The following UEVLD variants were observed in gnomAD, a reference collection of about 807,000 sequenced individuals.
UEVLD encodes ubiquitin-conjugating enzyme E2 variant 3.
A neutral mutation model predicts 58.6 loss-of-function variants in UEVLD; 47 were observed. The ratio of observed to expected loss-of-function variants is 0.80; its 90% CI spans 0.63 to 1.02. UEVLD has a LOEUF of 1.02. Among genes scored for constraint, UEVLD ranks in the 50% least tolerant of loss-of-function variants. The pLI is 0.00. For synonymous variants in UEVLD, 197 were observed against 195.3 expected (o/e 1.01, Z -0.07); for missense variants, 510 against 550.6 (o/e 0.93, Z 0.74).
At chr11:18,580,185 A>T (rs554337832) in intron 1 of UEVLD, among the ~76,000 whole-genome samples, 3 of 152,278 alleles carry the variant, frequency 2.0e-5, no homozygotes, top group African/African-American at 7.2e-5. Context: ...GTTATCATCA[A>T]AAGGAGAAAA....
At chr11:18,536,895 C>CTTTTTTTTTTTTTTTTTTTTTTTTTT (rs370747121) in intron 9 of UEVLD, 1 of 139,000 alleles carries the variant, frequency 7.2e-6, no homozygotes, top group Non-Finnish European at 1.4e-5. Context: ...AATCCTGTTC[C>CTTTTTTTTTTTTTTTTTTTTTTTTTT]TTTTTTTTTT....
chr11:18,548,238 GCA>G (rs1851380133), intron 7 of UEVLD, among the ~76,000 whole-genome samples: 1 of 152,108 alleles, frequency 6.6e-6, no homozygotes, highest in Admixed American at 6.5e-5. Context: ...ACTCTCCATT[GCA>G]CAGTGTGTTT....
intron 9 of UEVLD, among the ~76,000 whole-genome samples, chr11:18,542,464 TC>T (rs1277009378): frequency 1.3e-5 from 2 of 152,188 alleles, no homozygotes; most frequent in African/African-American, 4.8e-5. Context: ...ATTTGGAGCC[TC>T]AAAAGTATTT....
chr11:18,573,639 A>C (rs1852746899), intron 3 of UEVLD, among the ~76,000 whole-genome samples: 1 of 152,198 alleles, frequency 6.6e-6, no homozygotes, highest in South Asian at 2.1e-4. Flanking sequence ...CCTATGCATA[A>C]AAACAAAATG....
chr11:18,568,911 T>C (rs926581189), intron 4 of UEVLD, among the ~76,000 whole-genome samples: 1 of 152,160 alleles, frequency 6.6e-6, no homozygotes, highest in African/African-American at 2.4e-5. Context: ...ATTTTTTTTT[T>C]TGAGGCGGAG....
At position 18,533,201 on chromosome 11, in the gene UEVLD, C is replaced by T. The variant is rs553747777; in HGVS notation, c.1249-714G>A. 2.0e-4 allele frequency among the ~76,000 whole-genome samples: 31 copies of T among 151,934 alleles called. No homozygotes were observed. In the South Asian group the frequency reaches 6.0e-3, roughly 29 times the overall value. On this transcript the variant is annotated intron_variant, in intron 11 of 11. Transcript: ENST00000396197. ...GGCCACCACACCCAGCTTCTTCTAG[C>T]TGTTTTGAAATGTACAATAAATTAT...
At chr11:18,546,505 GT>G (rs34286769) in intron 8 of UEVLD, among the ~76,000 whole-genome samples, 51,613 of 142,626 alleles carry the variant, frequency 0.36, 9,331 homozygotes, top group East Asian at 0.65. Context: ...TTTTGTTTTT[GT>G]TTTTTTTTTT....
intron 10 of UEVLD, among the ~76,000 whole-genome samples, chr11:18,535,665 C>A (rs1359309080): frequency 3.3e-5 from 5 of 152,114 alleles, no homozygotes; most frequent in Non-Finnish European, 7.3e-5. Flanking sequence ...GCGGTACAGA[C>A]CCCTGGAAGG....
intron 7 of UEVLD, among the ~76,000 whole-genome samples, chr11:18,549,392 A>G (rs1851432598): frequency 6.6e-6 from 1 of 152,108 alleles, no homozygotes; most frequent in Non-Finnish European, 1.5e-5. Context: ...AGGAGTAAAC[A>G]TAGTAGTGGC....
At chr11:18,544,559 C>T in intron 9 of UEVLD, 64 bp downstream of exon 9, 1 of 1,534,198 alleles carries the variant, frequency 6.5e-7, no homozygotes, top group Non-Finnish European at 8.8e-7. Flanking sequence ...CCTGCCTTGG[C>T]CTCCCAAAGT....
chr11:18,569,500 G>A (rs768285474), intron 4 of UEVLD, among the ~76,000 whole-genome samples: 12 of 151,972 alleles, frequency 7.9e-5, no homozygotes, highest in Non-Finnish European at 1.3e-4. Flanking sequence ...TTATCATTAC[G>A]GAAGTATCAA....
chr11:18,567,057 AAACTGAAC>A (rs1371558064), intron 4 of UEVLD, among the ~76,000 whole-genome samples: 1 of 152,222 alleles, frequency 6.6e-6, no homozygotes, highest in African/African-American at 2.4e-5. Context: ...TTTTCTGAAC[AAACTGAAC>A]AAGTAAACTG....
rs755624746 is a variant in UEVLD at position 18,565,002 on chromosome 11, C to A, written c.502G>T (p.Asp168Tyr). The change falls in exon 6 of 12, where the codon GAT (aspartate) becomes TAT (tyrosine). Residue 168 changes from aspartate (D) to tyrosine (Y), a missense_variant. By Grantham distance (160) the Asp-to-Tyr change is radical. Coordinates refer to ENST00000396197, the MANE Select transcript of UEVLD (RefSeq NM_001040697.4). ...YIAKITEGVS[D>Y]TNSKSWANHE... ...TTTGCCCAGCTCTTTGAATTTGTAT[C>A]TGAAACACCTAGAAAGAAAGGTGAA... 1 of 1,604,854 alleles carries A rather than the reference C, an allele frequency of 6.2e-7. No individual in the cohort carries two copies. Among genetic ancestry groups the A allele is most frequent in the Non-Finnish European group, 8.5e-7 (1 of 1,172,972 alleles).
chr11:18,547,402 G>A (rs961368529), intron 7 of UEVLD, among the ~76,000 whole-genome samples: 1 of 152,150 alleles, frequency 6.6e-6, no homozygotes, highest in Non-Finnish European at 1.5e-5. Flanking sequence ...GTGTGTGACT[G>A]TAGTCTCAGC....
Position 18,566,363 on chromosome 11 carries a change from A to C in UEVLD, c.477T>G (p.Ile159Met), listed in dbSNP as rs75859569. Reference sequence around the variant, plus strand: ...TATACAAACCTTCAGTGATTTTTGCAATATAGGCTAGCAAGTCTACCTGCC... The same window carrying C: ...TATACAAACCTTCAGTGATTTTTGCCATATAGGCTAGCAAGTCTACCTGCC... ...EARQVDLLAYIAKITEGVSDT... is the reference protein window; with the variant it reads ...EARQVDLLAYMAKITEGVSDT... The change falls in exon 5 of 12, where the codon ATT becomes ATG. Residue 159 changes from isoleucine (I) to methionine (M), a missense_variant. Coordinates refer to ENST00000396197, the MANE Select transcript of UEVLD (RefSeq NM_001040697.4). 1.1e-4 allele frequency: 182 copies of C among 1,614,018 alleles called. No individual in the cohort carries two copies. In the African/African-American group the frequency reaches 2.2e-3, roughly 20 times the overall value.
chr11:18,582,983 C>T (rs1853323822), intron 1 of UEVLD, among the ~76,000 whole-genome samples: 1 of 152,140 alleles, frequency 6.6e-6, no homozygotes, highest in African/African-American at 2.4e-5. Context: ...AGTGCAATGG[C>T]GTGATCTCAG....
chr11:18,544,993 CATAT>C (rs557645261), intron 8 of UEVLD, among the ~76,000 whole-genome samples, 197 bp from the exon 9 acceptor site: 17 of 103,712 alleles, frequency 1.6e-4, no homozygotes, highest in African/African-American at 5.5e-4. Context: ...TACATACACA[CATAT>C]ATATACACGT....
intron 9 of UEVLD, among the ~76,000 whole-genome samples, chr11:18,538,564 T>C (rs1469870007): frequency 6.6e-6 from 1 of 151,464 alleles, no homozygotes; most frequent in African/African-American, 2.4e-5. Context: ...CCACCCGCCT[T>C]GGCCTCCCAA....
chr11:18,544,507 T>C, intron 9 of UEVLD, 116 bp downstream of exon 9: 1 of 1,077,466 alleles, frequency 9.3e-7, no homozygotes, highest in Non-Finnish European at 1.3e-6. Flanking sequence ...GGGGTCTTGC[T>C]ATGTTGCCCA....
Sources: gnomAD v4.1 joint callset for allele counts (sites outside exome capture counted in the v4.1 genomes callset) on GRCh38, gnomAD v4.1.1 for gene constraint, MANE v1.5 for transcripts, NCBI Gene and HGNC (gene_info 2026-07-23, HGNC 2026-07-21) for gene names.